The following NEXMIF variants were observed in gnomAD, a reference collection of about 807,000 sequenced individuals.
NEXMIF encodes XLMR protein related to neurite extension.
A neutral mutation model predicts 62.1 loss-of-function variants in NEXMIF; 8 were observed. The ratio of observed to expected loss-of-function variants is 0.13; its 90% CI spans 0.08 to 0.23. The LOEUF is 0.23. NEXMIF is among the 10% of genes least tolerant of loss of function. NEXMIF has a pLI of 1.00. For missense variants in NEXMIF, 976 were observed against 1,113.3 expected (o/e 0.88, Z 1.75); for synonymous variants, 404 against 416.6 (o/e 0.97, Z 0.37).
intron 1 of NEXMIF, among the ~76,000 whole-genome samples, chrX:74,866,089 C>G (rs992292945): frequency 1.8e-5 from 2 of 111,372 alleles, no homozygotes; most frequent in Non-Finnish European, 3.8e-5. Flanking sequence ...GCACCATGTT[C>G]CCGGAAATGC....
intron 1 of NEXMIF, among the ~76,000 whole-genome samples, chrX:74,767,627 G>C (rs2080198640): frequency 8.9e-6 from 1 of 111,843 alleles, no homozygotes; most frequent in Non-Finnish European, 1.9e-5. Flanking sequence ...CCATCCCAGG[G>C]AGGCTCAGAA....
chrX:74,886,833 C>T (rs2080695964), intron 1 of NEXMIF, among the ~76,000 whole-genome samples: 1 of 103,583 alleles, frequency 9.7e-6, no homozygotes, highest in South Asian at 4.1e-4. Flanking sequence ...AAAGAGCCCA[C>T]ATCACCAAGT....
intron 1 of NEXMIF, among the ~76,000 whole-genome samples, chrX:74,773,551 C>T (rs1016598069): frequency 9.0e-6 from 1 of 111,265 alleles, no homozygotes; most frequent in African/African-American, 3.3e-5. Flanking sequence ...GGGCAACCTT[C>T]AACTCATTAT....
intron 1 of NEXMIF, among the ~76,000 whole-genome samples, chrX:74,826,108 T>C (rs1435553919): frequency 8.9e-6 from 1 of 112,648 alleles, no homozygotes; most frequent in Non-Finnish European, 1.9e-5. Flanking sequence ...TTTTTTACAA[T>C]GATTGAATTA....
chrX:74,817,987 C>T (rs1245395890), intron 1 of NEXMIF, among the ~76,000 whole-genome samples: 9 of 110,707 alleles, frequency 8.1e-5, no homozygotes, highest in Admixed American at 7.8e-4. Context: ...ACATTCCATG[C>T]TCATGAATAA....
intron 1 of NEXMIF, among the ~76,000 whole-genome samples, chrX:74,760,569 C>G (rs1472707538): frequency 9.0e-6 from 1 of 111,393 alleles, no homozygotes; most frequent in African/African-American, 3.3e-5. Context: ...TCCTTCAATA[C>G]CTAGTTTATT....
At position 74,736,282 on chromosome X, in the gene NEXMIF, C is replaced by T. The variant is rs1328450635; in HGVS notation, c.*3123G>A. ...TTCTGAACTTCCAGAAGAAAGCAGC[C>T]TAAGATTGTTGAGCCCTGACAATTT... On this transcript the variant is annotated 3_prime_UTR_variant, in exon 4 of 4. Coordinates refer to ENST00000055682, the MANE Select transcript of NEXMIF (RefSeq NM_001008537.3). The T allele has an allele frequency of 9.0e-6, 1 of 111,029 alleles. No individual in the cohort carries two copies. The highest frequency in any genetic ancestry group is 3.3e-5 in the African/African-American group (1 of 30,560). The allele number at this position is 111,029 out of a possible 1,213,427, so 9.2% of individuals were successfully genotyped here.
At chrX:74,913,101 A>G (rs1417257401) in intron 1 of NEXMIF, among the ~76,000 whole-genome samples, 1 of 112,539 alleles carries the variant, frequency 8.9e-6, no homozygotes, top group East Asian at 2.8e-4. Context: ...ACTGAATGAA[A>G]AAAGGCAATT....
chrX:74,876,192 C>T (rs2080632276), intron 1 of NEXMIF, among the ~76,000 whole-genome samples: 1 of 110,918 alleles, frequency 9.0e-6, no homozygotes, highest in African/African-American at 3.3e-5. Context: ...TATGTTGTGT[C>T]TTTGTTCTCG....
At chrX:74,818,597 A>C (rs1020807567) in intron 1 of NEXMIF, among the ~76,000 whole-genome samples, 11 of 112,382 alleles carry the variant, frequency 9.8e-5, no homozygotes, top group Non-Finnish European at 2.1e-4. Context: ...AACAAAAACA[A>C]AAATTGACAT....
chrX:74,854,986 T>C (rs1020043325), intron 1 of NEXMIF, among the ~76,000 whole-genome samples: 1 of 111,654 alleles, frequency 9.0e-6, no homozygotes, highest in African/African-American at 3.3e-5. Flanking sequence ...CCAATGACCA[T>C]ACTGCACAAA....
At chrX:74,906,980 T>C (rs1486097685) in intron 1 of NEXMIF, among the ~76,000 whole-genome samples, 10 of 111,379 alleles carry the variant, frequency 9.0e-5, no homozygotes, top group Non-Finnish European at 3.8e-5. Flanking sequence ...CCAGCCCTAA[T>C]CTACAGACCC....
At chrX:74,865,637 G>T (rs1018850373) in intron 1 of NEXMIF, among the ~76,000 whole-genome samples, 1 of 111,915 alleles carries the variant, frequency 8.9e-6, no homozygotes, top group Non-Finnish European at 1.9e-5. Context: ...TCAAAGGCCT[G>T]GAGGCCTAGA....
chrX:74,911,820 T>C (rs1478779944), intron 1 of NEXMIF, among the ~76,000 whole-genome samples: 3 of 112,239 alleles, frequency 2.7e-5, no homozygotes, highest in African/African-American at 9.7e-5. Flanking sequence ...GCTTTGCACA[T>C]ACAGGTCTTG....
chrX:74,884,641 T>C (rs2080682902), intron 1 of NEXMIF, among the ~76,000 whole-genome samples: 1 of 111,676 alleles, frequency 9.0e-6, no homozygotes, highest in South Asian at 3.8e-4. Flanking sequence ...CCCAGATTCA[T>C]AAAGCAAGTC....
chrX:74,877,725 C>G (rs1284750539), intron 1 of NEXMIF, among the ~76,000 whole-genome samples: 1 of 111,648 alleles, frequency 9.0e-6, no homozygotes, highest in Non-Finnish European at 1.9e-5. Flanking sequence ...TCCCTTCTCG[C>G]TTCATTTCAT....
intron 1 of NEXMIF, among the ~76,000 whole-genome samples, chrX:74,870,526 A>G (rs1462130867): frequency 8.9e-6 from 1 of 111,784 alleles, no homozygotes; most frequent in Non-Finnish European, 1.9e-5. Context: ...ACAAAGTGAA[A>G]GGGTAACCCA....
rs183893058 is a variant in NEXMIF, at chrX:74,869,684, G to A, written c.-48+55199C>T. Among the ~76,000 whole-genome samples, 61 of 111,599 alleles carry A rather than the reference G, an allele frequency of 5.5e-4. No homozygotes were observed. The East Asian group carries it at 0.016, about 30-fold the overall frequency. On this transcript the variant is annotated intron_variant, in intron 1 of 3. Transcript: ENST00000055682. ...TATTTTTATATGCCAACAGCAATCT[G>A]AAAATGAAATAAAGAAAATAATTCC... is the stretch of plus-strand genomic sequence containing the variant.
At chrX:74,873,525 C>T (rs1487719679) in intron 1 of NEXMIF, among the ~76,000 whole-genome samples, 2 of 111,981 alleles carry the variant, frequency 1.8e-5, no homozygotes, top group African/African-American at 6.5e-5. Context: ...ATGGCTGGGT[C>T]AAATGGTATT....
Sources: allele counts gnomAD v4.1 joint callset (sites outside exome capture counted in the v4.1 genomes callset), GRCh38; gene constraint gnomAD v4.1.1; transcripts MANE v1.5; gene names NCBI Gene and HGNC (gene_info 2026-07-23, HGNC 2026-07-21).